The following CRHBP variants were observed in gnomAD, a reference collection of about 807,000 sequenced individuals.
CRHBP encodes corticotropin-releasing hormone-binding protein.
Under a neutral mutation model 34.9 loss-of-function variants are expected in CRHBP, and 19 were observed. The ratio of observed to expected loss-of-function variants is 0.55; its 90% CI spans 0.38 to 0.80. CRHBP has a LOEUF of 0.80. Ranked by LOEUF, CRHBP falls within the 30% of genes least tolerant of loss-of-function variation. CRHBP has a pLI of 0.00. For synonymous variants in CRHBP, 154 were observed against 153.4 expected, an observed-to-expected ratio of 1.00 and a Z score of -0.03; for missense variants, 328 against 409.2, an observed-to-expected ratio of 0.80 and a Z score of 1.71.
At chr5:76,956,446 T>G (rs1745669625) in intron 4 of CRHBP, among the ~76,000 whole-genome samples, 2 of 152,180 alleles carry the variant, frequency 1.3e-5, no homozygotes, top group South Asian at 4.1e-4. Flanking sequence ...ATTATCTTAC[T>G]AAAAATATTT....
At position 76,955,756 on chromosome 5, in the gene CRHBP, G is replaced by A. The variant is rs146307602; in HGVS notation, c.437G>A (p.Ser146Asn). The A allele has an allele frequency of 1.4e-5, 22 of 1,614,084 alleles. No individual in the cohort carries two copies. In the African/African-American group the frequency reaches 2.8e-4, roughly 21 times the overall value. ...RYIDFCESGLSRRSIRSSQNV... is the reference protein window; with the variant it reads ...RYIDFCESGLNRRSIRSSQNV... ...ATAGATTTCTGTGAGAGTGGTCTTA[G>A]CAGGAGGAGCATCAGATCTTCCCAG... Residue 146 changes from serine to asparagine, a missense_variant, in exon 4 of 7, where the codon AGC (serine) becomes AAC (asparagine). Physicochemically the swap from Ser to Asn is conservative, Grantham distance 46. Transcript: ENST00000274368.
chr5:76,980,527 A>G (rs1746103794), intron 3 of CRHBP, among the ~76,000 whole-genome samples: 1 of 152,084 alleles, frequency 6.6e-6, no homozygotes, highest in Admixed American at 6.5e-5. Context: ...TCCATTTCCA[A>G]CTCTCAGAAT....
intron 5 of CRHBP, among the ~76,000 whole-genome samples, chr5:76,962,279 T>G (rs1408852015): frequency 6.6e-6 from 1 of 152,102 alleles, no homozygotes; most frequent in Non-Finnish European, 1.5e-5. Context: ...GTGGGAGCCC[T>G]TATTACAATT....
Position 76,969,036 on chromosome 5 carries a change from C to T in CRHBP, c.*151C>T, listed in dbSNP as rs982466318. On this transcript the variant is annotated 3_prime_UTR_variant, in exon 7 of 7. Coordinates refer to ENST00000274368, the MANE Select transcript of CRHBP (RefSeq NM_001882.4). Reference sequence around the variant, plus strand: ...GCGCGCACACACACACACACATACACACACGCATTAATTTTTGTACTTTGC... The same window carrying T: ...GCGCGCACACACACACACACATACATACACGCATTAATTTTTGTACTTTGC... 4 of 713,466 alleles carry T rather than the reference C, an allele frequency of 5.6e-6. No individual in the cohort carries two copies. In the African/African-American group the frequency reaches 6.4e-5, roughly 11 times the overall value. The allele number at this position is 713,466 out of a possible 1,614,324, so 44.2% of individuals were successfully genotyped here.
intron 5 of CRHBP, among the ~76,000 whole-genome samples, chr5:76,963,049 G>A (rs570044532): frequency 6.6e-6 from 1 of 151,930 alleles, no homozygotes; most frequent in South Asian, 2.1e-4. Context: ...CATCTTATAT[G>A]GAGTTTACAG....
At chr5:76,967,731 C>T (rs1289604362) in intron 6 of CRHBP, among the ~76,000 whole-genome samples, 1 of 149,884 alleles carries the variant, frequency 6.7e-6, no homozygotes, top group Non-Finnish European at 1.5e-5. Flanking sequence ...TGGAGTCTCA[C>T]TTTGTTGCCC....
chr5:76,968,762 G>A lies in CRHBP; in HGVS notation c.846G>A (p.Val282=). Residue 282 remains valine (V), a synonymous_variant, in exon 7 of 7, where the codon GTG becomes GTA. Coordinates refer to ENST00000274368, the MANE Select transcript of CRHBP (RefSeq NM_001882.4). ...AAGTTGGCTGTGACAACACTGTGGT[G>A]CGCATGGTCTCCAGTGGAAAACACG... The part of the protein sequence containing the change: ...QMKVGCDNTV[V]RMVSSGKHVN... The A allele has an allele frequency of 6.2e-7, 1 of 1,614,022 alleles. No homozygotes were observed.
At chr5:76,974,409 C>T (rs1377537926), downstream of CRHBP, among the ~76,000 whole-genome samples, 1 of 151,846 alleles carries the variant, frequency 6.6e-6, no homozygotes, top group East Asian at 1.9e-4. Flanking sequence ...GCCTCAGCCT[C>T]CCAAAGTGCT....
At chr5:76,978,652 T>A (rs1043608189) in intron 3 of CRHBP, among the ~76,000 whole-genome samples, 1 of 152,186 alleles carries the variant, frequency 6.6e-6, no homozygotes, top group Non-Finnish European at 1.5e-5. Flanking sequence ...TAACATAACA[T>A]CCATTCTGCA....
chr5:76,959,536 CCT>C (rs1005709749), intron 5 of CRHBP, among the ~76,000 whole-genome samples: 9 of 152,120 alleles, frequency 5.9e-5, no homozygotes, highest in African/African-American at 1.7e-4. Context: ...TAGCATTTTC[CCT>C]CTGAGTCATC....
downstream of CRHBP, among the ~76,000 whole-genome samples, chr5:76,974,343 G>A (rs1745991217): frequency 6.7e-6 from 1 of 150,366 alleles, no homozygotes; most frequent in South Asian, 2.1e-4. Flanking sequence ...GTAGAGAGGG[G>A]GTTTCACCCT....
downstream of CRHBP, chr5:76,969,489 T>A (rs1745911674): frequency 6.5e-6 from 1 of 152,678 alleles, no homozygotes; most frequent in South Asian, 2.1e-4. Flanking sequence ...GGGCTTTATT[T>A]GCTTTCCTGA....
At chr5:76,961,592 T>C (rs1358952809) in intron 5 of CRHBP, among the ~76,000 whole-genome samples, 2 of 152,210 alleles carry the variant, frequency 1.3e-5, no homozygotes, top group Non-Finnish European at 2.9e-5. Flanking sequence ...GTATAAAGCC[T>C]CTAAGCATCA....
downstream of CRHBP, among the ~76,000 whole-genome samples, chr5:76,973,225 C>T (rs554207590): frequency 7.3e-4 from 111 of 152,254 alleles, no homozygotes; most frequent in Non-Finnish European, 9.9e-4. Context: ...TGTCTGTTTT[C>T]GTTGCAACTA....
chr5:76,974,032 ACC>A (rs1323415123), downstream of CRHBP, among the ~76,000 whole-genome samples: 23 of 151,502 alleles, frequency 1.5e-4, no homozygotes, highest in Admixed American at 7.2e-4. Context: ...TCACTCTGTC[ACC>A]CAGACTGGAG....
chr5:76,953,825 G>T, intron 2 of CRHBP, 131 bp downstream of exon 2: 1 of 1,193,426 alleles, frequency 8.4e-7, no homozygotes, highest in Non-Finnish European at 1.1e-6. Context: ...GGTCCCCTTA[G>T]CTAAGGATCG....
At chr5:76,969,989 C>T (rs898134570), downstream of CRHBP, among the ~76,000 whole-genome samples, 2 of 124,538 alleles carry the variant, frequency 1.6e-5, no homozygotes, top group African/African-American at 6.5e-5. Context: ...GCTCTGTCAC[C>T]TAGGCTGGAG....
chr5:76,969,009 ACG>A lies in CRHBP; in HGVS notation c.*130_*131del. On this transcript the variant is annotated 3_prime_UTR_variant, in exon 7 of 7. Transcript: ENST00000274368. Reference sequence around the variant, plus strand: ...AGTCAGTATTCCCAGCCTTGAGCGCACGCGCGCACACACACACACACATACAC... The same window carrying A: ...AGTCAGTATTCCCAGCCTTGAGCGCACGCGCACACACACACACACATACAC... 26 of 1,022,908 alleles carry A rather than the reference ACG, an allele frequency of 2.5e-5. No individual in the cohort carries two copies. The highest frequency in any genetic ancestry group is 3.3e-5 in the South Asian group (2 of 61,068). The allele number at this position is 1,022,908 out of a possible 1,614,324, so 63.4% of individuals were successfully genotyped here. A position where few individuals can be genotyped will look rare whatever the true frequency, so the allele number is the denominator to read the frequency against.
At position 76,958,899 on chromosome 5, in the gene CRHBP, T is replaced by G; in HGVS notation, c.693+10T>G. 1 of 1,612,878 alleles carries G rather than the reference T, an allele frequency of 6.2e-7. No homozygotes were observed. Among genetic ancestry groups the G allele is most frequent in the South Asian group, 1.1e-5 (1 of 90,548 alleles). On this transcript the variant is annotated intron_variant, in intron 5 of 6. Transcript: ENST00000274368. ...TGGTCTTCAGTTAAAGGTGAGTTGC[T>G]TACTTGTTTCCTAACCGTTTGATAA...
Sources: gnomAD v4.1 joint callset for allele counts (sites outside exome capture counted in the v4.1 genomes callset) on GRCh38, gnomAD v4.1.1 for gene constraint, MANE v1.5 for transcripts, NCBI Gene and HGNC (gene_info 2026-07-23, HGNC 2026-07-21) for gene names.